FAM168A: variants seen among roughly 807,000 people sequenced by gnomAD.
The protein encoded by FAM168A is family with sequence similarity 168 member A, also known as protein FAM168A.
Under a neutral mutation model 28.5 loss-of-function variants are expected in FAM168A, and 3 were observed. The ratio of observed to expected loss-of-function variants is 0.11; its 90% CI spans 0.05 to 0.27. The LOEUF (loss-of-function observed/expected upper bound fraction) is 0.27. Ranked by LOEUF, FAM168A falls within the 10% of genes least tolerant of loss-of-function variation. FAM168A has a pLI of 1.00. For synonymous variants in FAM168A, 122 were observed against 124.2 expected (o/e 0.98, Z 0.12); for missense variants, 222 against 311.5 (o/e 0.71, Z 2.16).
chr11:73,422,232 G>A (rs1224689915), intron 3 of FAM168A, among the ~76,000 whole-genome samples: 1 of 152,180 alleles, frequency 6.6e-6, no homozygotes, highest in East Asian at 1.9e-4. Flanking sequence ...AAAGAAGCAA[G>A]TGCGACTGTG....
intron 1 of FAM168A, among the ~76,000 whole-genome samples, chr11:73,555,559 T>G (rs578137387): frequency 1.3e-5 from 2 of 151,554 alleles, no homozygotes; most frequent in East Asian, 1.9e-4. Flanking sequence ...ATAAAACAAA[T>G]TAACTGGGCG....
At chr11:73,447,500 C>T (rs759991923) in intron 2 of FAM168A, among the ~76,000 whole-genome samples, 1 of 149,240 alleles carries the variant, frequency 6.7e-6, no homozygotes, top group African/African-American at 2.5e-5. Context: ...CTGCAGTGAG[C>T]TATGATCATC....
intron 2 of FAM168A, among the ~76,000 whole-genome samples, chr11:73,444,998 A>G (rs1250338181): frequency 1.3e-5 from 2 of 152,198 alleles, no homozygotes; most frequent in Non-Finnish European, 2.9e-5. Context: ...GGTGGCTCAC[A>G]CCTGTAATCC....
intron 1 of FAM168A, among the ~76,000 whole-genome samples, chr11:73,544,507 T>C (rs909404121): frequency 1.3e-5 from 2 of 151,530 alleles, no homozygotes; most frequent in African/African-American, 4.9e-5. Context: ...TTACAAATAA[T>C]AGCTAAAAGT....
intron 1 of FAM168A, among the ~76,000 whole-genome samples, chr11:73,535,989 G>A (rs146818533): frequency 2.6e-5 from 4 of 152,116 alleles, no homozygotes; most frequent in African/African-American, 9.6e-5. Flanking sequence ...GGGACTACAG[G>A]TGGCACACCA....
At chr11:73,531,575 T>A (rs961756973) in intron 1 of FAM168A, among the ~76,000 whole-genome samples, 5 of 152,270 alleles carry the variant, frequency 3.3e-5, no homozygotes, top group African/African-American at 1.2e-4. Flanking sequence ...CAGACACTGG[T>A]ACAGAGTAAC....
At chr11:73,557,817 G>C (rs539901311) in intron 1 of FAM168A, among the ~76,000 whole-genome samples, 2 of 152,090 alleles carry the variant, frequency 1.3e-5, no homozygotes, top group Non-Finnish European at 2.9e-5. Context: ...ATAAGGACAG[G>C]TATATAGACC....
At chr11:73,478,614 C>A (rs984798928) in intron 1 of FAM168A, among the ~76,000 whole-genome samples, 2 of 151,998 alleles carry the variant, frequency 1.3e-5, no homozygotes, top group African/African-American at 4.8e-5. Flanking sequence ...TAAATTATAC[C>A]TCAATAAAGC....
chr11:73,549,783 T>A (rs1025822359), intron 1 of FAM168A, among the ~76,000 whole-genome samples: 5 of 152,162 alleles, frequency 3.3e-5, no homozygotes, highest in African/African-American at 1.2e-4. Flanking sequence ...CCCACCATCA[T>A]CCCAACTTGT....
At chr11:73,544,144 A>C (rs1943694170) in intron 1 of FAM168A, among the ~76,000 whole-genome samples, 1 of 152,152 alleles carries the variant, frequency 6.6e-6, no homozygotes. Context: ...AAAAAAGAAA[A>C]AAAATAGTAA....
chr11:73,547,933 A>C (rs1461163091), intron 1 of FAM168A, among the ~76,000 whole-genome samples: 1 of 152,202 alleles, frequency 6.6e-6, no homozygotes, highest in Non-Finnish European at 1.5e-5. Flanking sequence ...CACATGCTAC[A>C]GCATGGATGA....
At chr11:73,460,470 T>C (rs1177782575) in intron 2 of FAM168A, among the ~76,000 whole-genome samples, 1 of 151,526 alleles carries the variant, frequency 6.6e-6, no homozygotes, top group Non-Finnish European at 1.5e-5. Flanking sequence ...GATATAATGA[T>C]GATGAATAAT....
chr11:73,583,506 G>A (rs1944273924), intron 1 of FAM168A, among the ~76,000 whole-genome samples: 2 of 152,222 alleles, frequency 1.3e-5, no homozygotes, highest in African/African-American at 4.8e-5. Flanking sequence ...TCCACTGCAA[G>A]TGGAAGAGAC....
At chr11:73,584,583 C>T (rs1160885947) in intron 1 of FAM168A, among the ~76,000 whole-genome samples, 2 of 151,634 alleles carry the variant, frequency 1.3e-5, no homozygotes, top group Non-Finnish European at 2.9e-5. Flanking sequence ...ACGCCATTCT[C>T]CCACCTCAGC....
intron 1 of FAM168A, among the ~76,000 whole-genome samples, chr11:73,468,979 G>A (rs1159494852): frequency 6.6e-6 from 1 of 152,168 alleles, no homozygotes; most frequent in African/African-American, 2.4e-5. Context: ...ACAGACTGCT[G>A]GAAGGAAAAG....
chr11:73,445,077 T>TG (rs1867275561), intron 2 of FAM168A, among the ~76,000 whole-genome samples: 1 of 152,106 alleles, frequency 6.6e-6, no homozygotes, highest in Non-Finnish European at 1.5e-5. Context: ...CTGACCAACA[T>TG]GGAGAAACCC....
At chr11:73,427,226 C>T (rs1866903116) in intron 3 of FAM168A, among the ~76,000 whole-genome samples, 1 of 151,908 alleles carries the variant, frequency 6.6e-6, no homozygotes, top group Non-Finnish European at 1.5e-5. Context: ...CTCCTGACCT[C>T]GTGATCCACC....
At chr11:73,510,909 G>A (rs1181258842) in intron 1 of FAM168A, 5 of 268,972 alleles carry the variant, frequency 1.9e-5, no homozygotes, top group Admixed American at 5.4e-5. Context: ...ACCTCAAAGC[G>A]GGAATGGAAA....
At chr11:73,564,760 A>G (rs1398393536) in intron 1 of FAM168A, among the ~76,000 whole-genome samples, 5 of 151,472 alleles carry the variant, frequency 3.3e-5, no homozygotes, top group East Asian at 1.9e-4. Flanking sequence ...AAAAAAAAAA[A>G]AAGAAGGCTA....
Sources: allele counts gnomAD v4.1 joint callset (sites outside exome capture counted in the v4.1 genomes callset), GRCh38; gene constraint gnomAD v4.1.1; transcripts MANE v1.5; gene names NCBI Gene and HGNC (gene_info 2026-07-23, HGNC 2026-07-21).